The following XPO1 variants were observed in gnomAD, a reference collection of about 807,000 sequenced individuals.
The protein encoded by XPO1 is exportin-1.
A neutral mutation model predicts 133.3 loss-of-function variants in XPO1; 5 were observed. The ratio of observed to expected loss-of-function variants is 0.04; its 90% CI spans 0.02 to 0.08. The LOEUF is 0.08. XPO1 is among the 10% of genes least tolerant of loss of function. The pLI is 1.00. For synonymous variants in XPO1, 419 were observed against 408.2 expected, an observed-to-expected ratio of 1.03 and a Z score of -0.32; for missense variants, 506 against 1,267.5, an observed-to-expected ratio of 0.40 and a Z score of 9.12.
chr2:61,522,601 A>G lies in XPO1; in HGVS notation c.301+10T>C. ...CAAAACTCTGAATTTATAATTCTTT[A>G]TTTTCCTACCTTCGCACTGGTTCCT... On this transcript the variant is annotated intron_variant, in intron 4 of 24. Transcript: ENST00000401558. 3.1e-6 allele frequency: 5 copies of G among 1,610,004 alleles called. No homozygotes were observed. The highest frequency in any genetic ancestry group is 4.2e-6 in the Non-Finnish European group (5 of 1,177,886).
At chr2:61,526,798 C>G (rs1698923336) in intron 2 of XPO1, among the ~76,000 whole-genome samples, 1 of 151,838 alleles carries the variant, frequency 6.6e-6, no homozygotes, top group Non-Finnish European at 1.5e-5. Flanking sequence ...ACCTCTGCCT[C>G]CTGGGTTCAA....
At chr2:61,486,299 G>A (rs539251735) in intron 19 of XPO1, among the ~76,000 whole-genome samples, 17 of 151,908 alleles carry the variant, frequency 1.1e-4, no homozygotes, top group Non-Finnish European at 2.2e-4. Flanking sequence ...TCAGTCTCCT[G>A]AGTAGCTGGG....
intron 4 of XPO1, among the ~76,000 whole-genome samples, chr2:61,511,959 G>A (rs182448155): frequency 5.9e-5 from 9 of 151,912 alleles, no homozygotes; most frequent in Non-Finnish European, 1.0e-4. Context: ...TAGTAGAGAC[G>A]GGGTTTCACC....
At position 61,488,710 on chromosome 2, in the gene XPO1, T is replaced by A. The variant is rs552647459; in HGVS notation, c.2084A>T (p.Asn695Ile). ...TCCAACAGCTTTGCAGGCTCTCACA[T>A]TTGTTTTCAAAATGCTACCAAGCTG... Reference protein sequence around the residue: ...VKQLGSILKTNVRACKAVGHP... With the variant: ...VKQLGSILKTIVRACKAVGHP... The change falls in exon 18 of 25, where the codon AAT (asparagine) becomes ATT (isoleucine). Residue 695 changes from asparagine to isoleucine, a missense_variant. Physicochemically the swap from Asn to Ile is moderately radical, Grantham distance 149. Transcript: ENST00000401558. The A allele has an allele frequency of 6.2e-7, 1 of 1,614,246 alleles. No homozygotes were observed. Among genetic ancestry groups the A allele is most frequent in the Admixed American group, 1.7e-5 (1 of 60,024 alleles).
chr2:61,527,461 C>G (rs1698956120), intron 2 of XPO1, among the ~76,000 whole-genome samples: 1 of 152,026 alleles, frequency 6.6e-6, no homozygotes, highest in South Asian at 2.1e-4. Flanking sequence ...ACACTTCAGC[C>G]TGGGTGAAAG....
At chr2:61,494,455 C>A in intron 11 of XPO1, 1 of 195,374 alleles carries the variant, frequency 5.1e-6, no homozygotes, top group Non-Finnish European at 1.0e-5. Flanking sequence ...GAATATTCTT[C>A]AGACATGATA....
At chr2:61,523,639 C>T (rs1300643613) in intron 3 of XPO1, among the ~76,000 whole-genome samples, 1 of 152,150 alleles carries the variant, frequency 6.6e-6, no homozygotes, top group Admixed American at 6.5e-5. Context: ...CATATAACCT[C>T]AGATTGCAAG....
Position 61,537,982 on chromosome 2 carries a change from T to A in XPO1, c.-427A>T, listed in dbSNP as rs561910403. The A allele has an allele frequency of 1.9e-5, 3 of 160,336 alleles. No individual in the cohort carries two copies. The South Asian group carries it at 5.3e-4, about 28-fold the overall frequency. The allele number at this position is 160,336 out of a possible 1,614,324, so 9.9% of individuals were successfully genotyped here. A position where few individuals can be genotyped will look rare whatever the true frequency, so the allele number is the denominator to read the frequency against. On this transcript the variant is annotated 5_prime_UTR_variant, in exon 1 of 25. Coordinates refer to ENST00000401558, the MANE Select transcript of XPO1 (RefSeq NM_003400.4). Reference sequence around the variant, plus strand: ...GCCGGGGAGACGCTCTGCTGCCAGTTGCAGTCCGACTCCCCCCTACCAAAA... The same window carrying A: ...GCCGGGGAGACGCTCTGCTGCCAGTAGCAGTCCGACTCCCCCCTACCAAAA...
intron 4 of XPO1, among the ~76,000 whole-genome samples, chr2:61,511,093 A>T (rs1465380837): frequency 6.6e-6 from 1 of 152,076 alleles, no homozygotes; most frequent in Non-Finnish European, 1.5e-5. Flanking sequence ...TATTCCTATC[A>T]ATCATATACA....
intron 4 of XPO1, among the ~76,000 whole-genome samples, chr2:61,516,800 G>A (rs1246113053): frequency 6.6e-6 from 1 of 152,038 alleles, no homozygotes; most frequent in Non-Finnish European, 1.5e-5. Context: ...TAAATAAAAA[G>A]TACAGAAATA....
intron 4 of XPO1, among the ~76,000 whole-genome samples, chr2:61,518,380 G>GT (rs1409611761): frequency 1.4e-5 from 2 of 146,888 alleles, no homozygotes; most frequent in Non-Finnish European, 3.0e-5. Flanking sequence ...GTGAAACCCC[G>GT]TCTCTACTAA....
rs369145389 is a variant in XPO1, at chr2:61,493,068, A to G, written c.1246-15T>C. ...AATAAACGGACCTATACTCAACAAT[A>G]TATCAATCAAGAAAAAAATCGTTAG... On this transcript the variant is annotated splice_polypyrimidine_tract_variant and intron_variant, in intron 12 of 24. Transcript: ENST00000401558. 3.1e-5 allele frequency: 48 copies of G among 1,552,982 alleles called. No individual in the cohort carries two copies. The highest frequency in any genetic ancestry group is 1.7e-4 in the Middle Eastern group (1 of 5,798).
chr2:61,517,455 C>G (rs746066195), intron 4 of XPO1, among the ~76,000 whole-genome samples: 11 of 152,276 alleles, frequency 7.2e-5, no homozygotes, highest in Middle Eastern at 3.4e-3. Flanking sequence ...TGTGGTGGCA[C>G]ATGCCTGTAG....
In XPO1 at chr2:61,526,058, G is replaced by C. The variant is rs1698894533; in HGVS notation, c.228+362C>G. The C allele has an allele frequency of 7.4e-6, 8 of 1,079,066 alleles. No homozygotes were observed. In the South Asian group the frequency reaches 2.9e-4, roughly 39 times the overall value. 66.8% of individuals were successfully genotyped at this position (1,079,066 alleles called of 1,614,324 possible). A position where few individuals can be genotyped will look rare whatever the true frequency, so the allele number is the denominator to read the frequency against. On this transcript the variant is annotated intron_variant, in intron 3 of 24. Transcript: ENST00000401558. Reference sequence around the variant, plus strand: ...GCTGTCCACACAACTTGGTGTCAGAGGTGCCTGGCCTGTATTATATTGATT... The same window carrying C: ...GCTGTCCACACAACTTGGTGTCAGACGTGCCTGGCCTGTATTATATTGATT...
At chr2:61,534,083 A>G (rs1177000200) in intron 1 of XPO1, 180 bp from the exon 2 acceptor site, 1 of 536,848 alleles carries the variant, frequency 1.9e-6, no homozygotes, top group Non-Finnish European at 2.9e-6. Context: ...TTACTTAGCT[A>G]TTTGATAATT....
At chr2:61,535,484 T>C (rs965292840) in intron 1 of XPO1, among the ~76,000 whole-genome samples, 1 of 152,198 alleles carries the variant, frequency 6.6e-6, no homozygotes, top group African/African-American at 2.4e-5. Context: ...TTAGACAAAC[T>C]AGCTTGGCAG....
intron 3 of XPO1, chr2:61,525,177 T>C: frequency 1.5e-6 from 1 of 676,858 alleles, no homozygotes; most frequent in Non-Finnish European, 1.8e-6. Flanking sequence ...AATACTTATT[T>C]TATGCATTGA....
At chr2:61,522,077 TG>T (rs1311930577) in intron 4 of XPO1, among the ~76,000 whole-genome samples, 1 of 151,416 alleles carries the variant, frequency 6.6e-6, no homozygotes, top group Non-Finnish European at 1.5e-5. Flanking sequence ...TTTATATATA[TG>T]TTTTTTTGGA....
At chr2:61,515,937 CCACACACACA>C (rs35237510) in intron 4 of XPO1, among the ~76,000 whole-genome samples, 3,840 of 110,658 alleles carry the variant, frequency 0.035, 102 homozygotes, top group Non-Finnish European at 0.05. Flanking sequence ...AAAAAAAAAA[CCACACACACA>C]CACACACACA....
Sources: allele counts gnomAD v4.1 joint callset (sites outside exome capture counted in the v4.1 genomes callset), GRCh38; gene constraint gnomAD v4.1.1; transcripts MANE v1.5; gene names NCBI Gene and HGNC (gene_info 2026-07-23, HGNC 2026-07-21).